GALK2: variants seen among roughly 807,000 people sequenced by gnomAD.
GALK2 encodes the protein N-acetylgalactosamine kinase.
In GALK2, 36 loss-of-function variants were observed where a neutral mutation model predicts 52.4. The observed-to-expected ratio is 0.69, with a 90% CI of 0.53 to 0.91. GALK2 has a LOEUF of 0.91. GALK2 is among the 40% of genes least tolerant of loss of function. The probability of loss-of-function intolerance (pLI) is 0.00; values close to 1 mark genes in which losing one functional copy is unlikely to be tolerated. For missense variants in GALK2, 579 were observed against 559.1 expected, an observed-to-expected ratio of 1.04 and a Z score of -0.36; for synonymous variants, 176 against 199.1, an observed-to-expected ratio of 0.88 and a Z score of 0.98.
At chr15:49,253,123 A>G (rs1249400279) in intron 5 of GALK2, among the ~76,000 whole-genome samples, 1 of 145,134 alleles carries the variant, frequency 6.9e-6, no homozygotes, top group Non-Finnish European at 1.5e-5. Flanking sequence ...TAAACTAACA[A>G]TTGTGAAGCA....
intron 5 of GALK2, among the ~76,000 whole-genome samples, chr15:49,264,990 G>T (rs1473976054): frequency 1.3e-5 from 2 of 152,288 alleles, no homozygotes; most frequent in Admixed American, 6.5e-5. Context: ...CCTACTGGGG[G>T]GTGCCTCCCA....
rs183694572 is a variant in GALK2 at position 49,232,881 on chromosome 15, T to C, written c.267-2970T>C. The stretch of plus-strand genomic sequence containing the variant: ...TGGGATTTCATTGTCCATATCACTA[T>C]CAGGATTTTCAAAGCAACCGTTCAA... On this transcript the variant is annotated intron_variant, in intron 3 of 9. Coordinates refer to ENST00000560031, the MANE Select transcript of GALK2 (RefSeq NM_002044.4). Among the ~76,000 whole-genome samples, 4 of 152,304 alleles carry C rather than the reference T, an allele frequency of 2.6e-5. No homozygotes were observed. The East Asian group carries it at 7.7e-4, about 29-fold the overall frequency.
chr15:49,187,288 A>G (rs150555845), intron 1 of GALK2, among the ~76,000 whole-genome samples: 1 of 152,294 alleles, frequency 6.6e-6, no homozygotes, highest in Admixed American at 6.5e-5. Context: ...TTTCCCCCAA[A>G]GAGAATTTCT....
intron 7 of GALK2, 99 bp downstream of exon 7, chr15:49,283,817 C>A: frequency 8.1e-7 from 1 of 1,236,992 alleles, no homozygotes; most frequent in Non-Finnish European, 1.1e-6. Context: ...AATTTTAGGG[C>A]AACATTCTGA....
intron 5 of GALK2, among the ~76,000 whole-genome samples, chr15:49,252,963 T>G (rs1207291189): frequency 6.9e-6 from 1 of 144,544 alleles, no homozygotes; most frequent in Non-Finnish European, 1.6e-5. Context: ...ATTTTTTGAT[T>G]TGGCTGTATA....
chr15:49,217,092 C>T, intron 2 of GALK2, 98 bp from the exon 3 acceptor site: 1 of 991,578 alleles, frequency 1.0e-6, no homozygotes, highest in Middle Eastern at 2.5e-4. Flanking sequence ...ACTGTTAAAA[C>T]CTGGCTCATG....
At chr15:49,183,845 GAA>G (rs1244289040) in intron 1 of GALK2, among the ~76,000 whole-genome samples, 8 of 73,600 alleles carry the variant, frequency 1.1e-4, no homozygotes, top group East Asian at 4.3e-4. Flanking sequence ...CTTTGTCTCA[GAA>G]AAAAAAAAAA....
chr15:49,211,415 C>T (rs550463702), intron 2 of GALK2, among the ~76,000 whole-genome samples: 4 of 152,272 alleles, frequency 2.6e-5, no homozygotes, highest in Middle Eastern at 6.8e-3. Flanking sequence ...TTTCCCTCAT[C>T]GTCCTATCTT....
rs539573076 is a variant in GALK2 at position 49,284,107 on chromosome 15, G to A, written c.756+389G>A. ...CAGTTTTTTTATTGGGTTATCATTC[G>A]TTACTCCAAAAATACAGGATTGGTG... On this transcript the variant is annotated intron_variant, in intron 7 of 9. Transcript: ENST00000560031. 5.9e-5 allele frequency among the ~76,000 whole-genome samples: 9 copies of A among 152,098 alleles called. No homozygotes were observed. In the South Asian group the frequency reaches 1.9e-3, roughly 32 times the overall value.
intron 5 of GALK2, among the ~76,000 whole-genome samples, chr15:49,264,038 A>G (rs1221730619): frequency 6.6e-6 from 1 of 151,652 alleles, no homozygotes; most frequent in East Asian, 1.9e-4. Flanking sequence ...GAATCTGACA[A>G]TTATGTGTCT....
chr15:49,344,722 T>C (rs1051230550), intron 3 of GALK2, among the ~76,000 whole-genome samples: 1 of 152,190 alleles, frequency 6.6e-6, no homozygotes, highest in Non-Finnish European at 1.5e-5. Flanking sequence ...TTTCCATCTT[T>C]AGCTTTTTTC....
chr15:49,355,134 T>TG (rs993191452), intron 3 of GALK2, among the ~76,000 whole-genome samples: 4 of 150,730 alleles, frequency 2.7e-5, no homozygotes, highest in Admixed American at 6.6e-5. Context: ...ACCACAAAGA[T>TG]GGGGAAAAAA....
chr15:49,353,237 T>C (rs1253174908), intron 3 of GALK2, among the ~76,000 whole-genome samples: 1 of 152,128 alleles, frequency 6.6e-6, no homozygotes, highest in African/African-American at 2.4e-5. Context: ...AGGCTCAAAT[T>C]TGGGCTCAAA....
intron 8 of GALK2, among the ~76,000 whole-genome samples, chr15:49,313,902 A>T (rs1371632383): frequency 6.6e-6 from 1 of 151,964 alleles, no homozygotes; most frequent in Non-Finnish European, 1.5e-5. Flanking sequence ...GCAGAAGATG[A>T]GGTAATAAAG....
intron 3 of GALK2, chr15:49,353,457 C>T (rs2042547810): frequency 6.6e-6 from 1 of 152,104 alleles, no homozygotes; most frequent in South Asian, 2.1e-4. Flanking sequence ...TACGTTGCCA[C>T]AGGATTTTTA....
At chr15:49,315,782 C>A (rs1403171222) in intron 8 of GALK2, among the ~76,000 whole-genome samples, 1 of 152,086 alleles carries the variant, frequency 6.6e-6, no homozygotes, top group Non-Finnish European at 1.5e-5. Context: ...ACTTCCTCTG[C>A]AAGAAGAGAA....
At chr15:49,294,796 G>T (rs28378927) in intron 8 of GALK2, among the ~76,000 whole-genome samples, 1 of 152,166 alleles carries the variant, frequency 6.6e-6, no homozygotes, top group Non-Finnish European at 1.5e-5. Flanking sequence ...AAGTGGCTCA[G>T]GTCCTGTAGA....
intron 3 of GALK2, among the ~76,000 whole-genome samples, chr15:49,228,935 T>C (rs934718146): frequency 6.6e-6 from 1 of 151,724 alleles, no homozygotes; most frequent in African/African-American, 2.4e-5. Context: ...CCTCAAGTGA[T>C]CTGCCTGCTT....
chr15:49,327,864 TTAGA>T (rs1335639059), intron 9 of GALK2, 84 bp from the exon 10 acceptor site: 21 of 1,271,794 alleles, frequency 1.7e-5, no homozygotes, highest in Middle Eastern at 2.0e-4. Flanking sequence ...TTCTTAGAAC[TTAGA>T]TAGGCTATGT....
Sources: gnomAD v4.1 joint callset for allele counts (sites outside exome capture counted in the v4.1 genomes callset) on GRCh38, gnomAD v4.1.1 for gene constraint, MANE v1.5 for transcripts, NCBI Gene and HGNC (gene_info 2026-07-23, HGNC 2026-07-21) for gene names.